TSPAN9: variants seen among roughly 807,000 people sequenced by gnomAD.
TSPAN9 encodes the protein tetraspanin-9.
Under a neutral mutation model 31.0 loss-of-function variants are expected in TSPAN9, and 16 were observed. The ratio of observed to expected loss-of-function variants is 0.52; its 90% CI spans 0.35 to 0.78. TSPAN9 has a LOEUF of 0.78. TSPAN9 is among the 30% of genes least tolerant of loss of function. The pLI is 0.01. For synonymous variants in TSPAN9, 145 were observed against 121.6 expected, an observed-to-expected ratio of 1.19 and a Z score of -1.27; for missense variants, 272 against 312.5, an observed-to-expected ratio of 0.87 and a Z score of 0.98.
intron 2 of TSPAN9, among the ~76,000 whole-genome samples, chr12:3,186,546 T>C (rs11062556): frequency 7.4e-6 from 1 of 135,860 alleles, no homozygotes; most frequent in African/African-American, 2.7e-5. Flanking sequence ...AGGAGTTTGT[T>C]TGTGTGTGTG....
intron 3 of TSPAN9, among the ~76,000 whole-genome samples, chr12:3,214,477 G>A (rs892568255): frequency 1.3e-5 from 2 of 152,140 alleles, no homozygotes; most frequent in African/African-American, 2.4e-5. Flanking sequence ...GGACAGGAGC[G>A]CTGGGTTCCA....
intron 2 of TSPAN9, among the ~76,000 whole-genome samples, chr12:3,099,191 C>T (rs2098310633): frequency 8.0e-6 from 1 of 124,630 alleles, no homozygotes; most frequent in African/African-American, 3.4e-5. Context: ...TTGATATTGT[C>T]CTGTAGGTTG....
chr12:3,201,026 C>G, intron 2 of TSPAN9, 151 bp from the exon 3 acceptor site: 2 of 660,300 alleles, frequency 3.0e-6, no homozygotes, highest in South Asian at 3.8e-5. Flanking sequence ...CCCGTTCGGC[C>G]GCGGCTTCAC....
At chr12:3,216,768 A>G (rs1330327223) in intron 3 of TSPAN9, among the ~76,000 whole-genome samples, 1 of 152,176 alleles carries the variant, frequency 6.6e-6, no homozygotes, top group East Asian at 1.9e-4. Context: ...GCTTCCCAAA[A>G]ACGTCCACGT....
intron 2 of TSPAN9, among the ~76,000 whole-genome samples, chr12:3,164,764 T>C (rs34791553): frequency 0.045 from 6,792 of 152,256 alleles, 510 homozygotes; most frequent in African/African-American, 0.15. Context: ...CTTCTCGGTA[T>C]AGCACTCCAG....
intron 2 of TSPAN9, among the ~76,000 whole-genome samples, chr12:3,111,704 T>C (rs569262157): frequency 6.6e-6 from 1 of 152,038 alleles, no homozygotes; most frequent in East Asian, 1.9e-4. Flanking sequence ...GCCTCCGCTT[T>C]CTTGGTTCAA....
At chr12:3,248,744 T>G (rs1344403400) in intron 3 of TSPAN9, among the ~76,000 whole-genome samples, 1 of 152,282 alleles carries the variant, frequency 6.6e-6, no homozygotes, top group Non-Finnish European at 1.5e-5. Flanking sequence ...TCACACAGTG[T>G]GTGGCTGAGC....
At chr12:3,247,186 GT>G (rs1266229670) in intron 3 of TSPAN9, among the ~76,000 whole-genome samples, 1 of 151,980 alleles carries the variant, frequency 6.6e-6, no homozygotes, top group Non-Finnish European at 1.5e-5. Context: ...GCCCTGAGCA[GT>G]TAAGGTTATA....
At chr12:3,089,516 C>A (rs112743849) in intron 2 of TSPAN9, among the ~76,000 whole-genome samples, 1 of 151,462 alleles carries the variant, frequency 6.6e-6, no homozygotes, top group Non-Finnish European at 1.5e-5. Flanking sequence ...AGGGTGGTCT[C>A]GATCTCCTGA....
chr12:3,258,319 G>A (rs1020933008), intron 3 of TSPAN9, among the ~76,000 whole-genome samples: 1 of 152,178 alleles, frequency 6.6e-6, no homozygotes, highest in Non-Finnish European at 1.5e-5. Context: ...GATTCATTTT[G>A]TGTCTGAGTC....
rs532955218 is a variant in TSPAN9, at chr12:3,242,901, C to T, written c.64-35520C>T. Among the ~76,000 whole-genome samples the T allele has an allele frequency of 5.9e-5, 9 of 152,360 alleles. No individual in the cohort carries two copies. In the South Asian group the frequency reaches 1.9e-3, roughly 32 times the overall value. On this transcript the variant is annotated intron_variant, in intron 3 of 8. Coordinates refer to ENST00000011898, the MANE Select transcript of TSPAN9 (RefSeq NM_006675.5). ...TCTGGTGGCTGCACCACACCTCACACGTGTTCCCTGCTGTGCAGAAGTGAT... is the reference window on the plus strand; with the variant it reads ...TCTGGTGGCTGCACCACACCTCACATGTGTTCCCTGCTGTGCAGAAGTGAT...
intron 2 of TSPAN9, among the ~76,000 whole-genome samples, chr12:3,119,667 C>G (rs960942346): frequency 2.6e-5 from 4 of 152,224 alleles, no homozygotes; most frequent in Non-Finnish European, 5.9e-5. Context: ...TGACCACATC[C>G]TGTGCACCCC....
chr12:3,275,817 T>C (rs1257534027), intron 3 of TSPAN9, among the ~76,000 whole-genome samples: 2 of 152,192 alleles, frequency 1.3e-5, no homozygotes, highest in African/African-American at 4.8e-5. Flanking sequence ...CTGCTGGACG[T>C]AAATCATTCG....
At chr12:3,223,203 T>C (rs547044444) in intron 3 of TSPAN9, among the ~76,000 whole-genome samples, 3 of 152,384 alleles carry the variant, frequency 2.0e-5, no homozygotes, top group South Asian at 2.1e-4. Context: ...ACATGGGTAG[T>C]TGGATGACAT....
At chr12:3,270,289 C>T (rs1862649628) in intron 3 of TSPAN9, among the ~76,000 whole-genome samples, 2 of 152,162 alleles carry the variant, frequency 1.3e-5, no homozygotes, top group Non-Finnish European at 2.9e-5. Flanking sequence ...GGGAGGTGAC[C>T]TGCATCGTCC....
intron 3 of TSPAN9, among the ~76,000 whole-genome samples, chr12:3,254,479 C>T (rs1196941961): frequency 1.3e-5 from 2 of 152,194 alleles, no homozygotes; most frequent in African/African-American, 4.8e-5. Flanking sequence ...CAACCTTGTG[C>T]CCGATCCAGG....
At chr12:3,087,839 G>A (rs1397736274) in intron 2 of TSPAN9, among the ~76,000 whole-genome samples, 1 of 152,188 alleles carries the variant, frequency 6.6e-6, no homozygotes, top group African/African-American at 2.4e-5. Flanking sequence ...TACCTGTGAT[G>A]TGAGTGCCTT....
chr12:3,279,094 T>A, intron 5 of TSPAN9, 28 bp downstream of exon 5: 1 of 1,605,568 alleles, frequency 6.2e-7, no homozygotes, highest in Non-Finnish European at 8.5e-7. Flanking sequence ...GGAGGGGGCA[T>A]ATGGAATGTC....
At chr12:3,181,127 C>T (rs1453478644) in intron 2 of TSPAN9, among the ~76,000 whole-genome samples, 7 of 152,076 alleles carry the variant, frequency 4.6e-5, no homozygotes, top group Admixed American at 2.0e-4. Context: ...ATCTTATGTG[C>T]GAGCGGCTGG....
Sources: gnomAD v4.1 joint callset for allele counts (sites outside exome capture counted in the v4.1 genomes callset) on GRCh38, gnomAD v4.1.1 for gene constraint, MANE v1.5 for transcripts, NCBI Gene and HGNC (gene_info 2026-07-23, HGNC 2026-07-21) for gene names.